TARBP1: variants seen among roughly 807,000 people sequenced by gnomAD.
TARBP1 encodes the protein tRNA guanosine 2 -O-methyltransferase TARBP1.
Under a neutral mutation model 178.6 loss-of-function variants are expected in TARBP1, and 144 were observed. That is an observed-to-expected ratio of 0.81 (90% CI 0.70 to 0.93). The LOEUF (loss-of-function observed/expected upper bound fraction) is 0.93, where lower values mean the gene tolerates loss of function less well. Ranked by LOEUF, TARBP1 falls within the 40% of genes least tolerant of loss-of-function variation. The probability of loss-of-function intolerance (pLI) is 0.00; values close to 1 mark genes in which losing one functional copy is unlikely to be tolerated. For missense variants in TARBP1, 2,067 were observed against 2,011.7 expected (o/e 1.03, Z -0.53); for synonymous variants, 787 against 781.0 (o/e 1.01, Z -0.13).
chr1:234,447,266 C>A (rs1430492893), intron 11 of TARBP1, among the ~76,000 whole-genome samples: 1 of 149,814 alleles, frequency 6.7e-6, no homozygotes, highest in Admixed American at 6.8e-5. Flanking sequence ...ATTAATGACA[C>A]CCTGCTTCCA....
chr1:234,479,052 C>G lies in TARBP1; in HGVS notation c.52G>C (p.Ala18Pro), dbSNP rs574378026. ...ALLSQSRDPR[A>P]LLGALCQGEA... ...CCTTGGCACAGCGCCCCAAGCAGGG[C>G]CCGGGGGTCCCGGCTCTGCGAGAGC... The change falls in exon 1 of 30, where the codon GCC becomes CCC. Residue 18 changes from alanine (A) to proline (P), a missense_variant. Physicochemically the swap from Ala to Pro is conservative, Grantham distance 27 (BLOSUM62 -1). Coordinates refer to ENST00000040877, the MANE Select transcript of TARBP1 (RefSeq NM_005646.4). 3.9e-6 allele frequency: 6 copies of G among 1,539,004 alleles called. No individual in the cohort carries two copies. Among genetic ancestry groups the G allele is most frequent in the Admixed American group, 3.9e-5 (2 of 51,876 alleles).
At chr1:234,457,923 A>C (rs546669787) in intron 8 of TARBP1, among the ~76,000 whole-genome samples, 167 bp from the exon 9 acceptor site, 1 of 152,328 alleles carries the variant, frequency 6.6e-6, no homozygotes, top group Non-Finnish European at 1.5e-5. Flanking sequence ...AGCAAATAAA[A>C]AGAAAATATT....
chr1:234,474,627 T>C (rs1216048252), intron 1 of TARBP1, among the ~76,000 whole-genome samples: 2 of 152,206 alleles, frequency 1.3e-5, no homozygotes, highest in African/African-American at 4.8e-5. Flanking sequence ...TGGTTTCAGA[T>C]TTCTCAACAG....
At chr1:234,462,718 A>T (rs1022670124) in intron 6 of TARBP1, among the ~76,000 whole-genome samples, 1 of 151,116 alleles carries the variant, frequency 6.6e-6, no homozygotes, top group Non-Finnish European at 1.5e-5. Context: ...AATGACTCTA[A>T]CAGTTATCTT....
chr1:234,401,309 C>T, intron 24 of TARBP1, 47 bp from the exon 25 acceptor site: 1 of 1,421,874 alleles, frequency 7.0e-7, no homozygotes, highest in Non-Finnish European at 9.9e-7. Flanking sequence ...TGAAACAACT[C>T]TGGTGAGGGG....
chr1:234,431,902 C>T (rs1664466223), intron 14 of TARBP1, among the ~76,000 whole-genome samples: 1 of 151,896 alleles, frequency 6.6e-6, no homozygotes, highest in African/African-American at 2.4e-5. Context: ...CTTTGGGAGG[C>T]CGAGGTGGGT....
intron 1 of TARBP1, among the ~76,000 whole-genome samples, chr1:234,477,310 T>C (rs1400477084): frequency 1.3e-5 from 2 of 152,382 alleles, no homozygotes; most frequent in Middle Eastern, 3.4e-3. Context: ...CACCTATCTG[T>C]GGACTGTTCA....
chr1:234,435,134 T>C (rs1664870370), intron 13 of TARBP1, among the ~76,000 whole-genome samples: 1 of 152,106 alleles, frequency 6.6e-6, no homozygotes, highest in Non-Finnish European at 1.5e-5. Context: ...GAACATGAAA[T>C]TGAGAGACGG....
rs1553283660 is a variant in TARBP1, at chr1:234,425,787, C to T, written c.3330G>A (p.Lys1110=). The T allele has an allele frequency of 1.0e-5, 16 of 1,560,096 alleles. No homozygotes were observed. The South Asian group carries it at 1.9e-4, about 18-fold the overall frequency. Residue 1110 remains lysine (K), a synonymous_variant, in exon 20 of 30, where the codon AAG becomes AAA. Coordinates refer to ENST00000040877, the MANE Select transcript of TARBP1 (RefSeq NM_005646.4). ...AAATTCTCACATAATGGTCTTCTCT[C>T]TTAGTACTAAAAAAATTAAATGATA... ...CAANIVMENT[K]REDHYVRICA... is the part of the protein sequence containing the mutation.
intron 23 of TARBP1, among the ~76,000 whole-genome samples, chr1:234,408,305 C>T (rs1342551720): frequency 6.6e-6 from 1 of 152,068 alleles, no homozygotes; most frequent in Non-Finnish European, 1.5e-5. Context: ...CTAACCAACT[C>T]CATCTTGCTT....
intron 1 of TARBP1, among the ~76,000 whole-genome samples, chr1:234,473,639 A>G (rs1183123796): frequency 6.6e-6 from 1 of 152,258 alleles, no homozygotes; most frequent in East Asian, 1.9e-4. Context: ...ATCTGAAAAT[A>G]TATCAGAGAT....
At chr1:234,475,175 G>A (rs546650299) in intron 1 of TARBP1, among the ~76,000 whole-genome samples, 5 of 152,164 alleles carry the variant, frequency 3.3e-5, no homozygotes, top group South Asian at 2.1e-4. Context: ...CTTCAGAGGC[G>A]CAGGCACCCA....
chr1:234,461,394 A>G (rs270509), intron 6 of TARBP1, among the ~76,000 whole-genome samples: 130,644 of 152,210 alleles, frequency 0.86, 56,432 homozygotes, highest in East Asian at 0.97. Context: ...TACAACCTCC[A>G]CCTCCTGGGT....
rs190786645 is a variant in TARBP1 at position 234,450,429 on chromosome 1, T to C, written c.1860A>G (p.Glu620=). The C allele has an allele frequency of 1.0e-5, 16 of 1,571,662 alleles. No individual in the cohort carries two copies. In the Admixed American group the frequency reaches 2.2e-4, roughly 22 times the overall value. Residue 620 remains glutamate, a splice_region_variant and synonymous_variant, in exon 10 of 30, where the codon GAA becomes GAG. Transcript: ENST00000040877. ...CCATAAAAATGATTGCAGACTTACT[T>C]TCCCAAGCAGATGACTTAACATACT... ...VQEYVKSSAW[E]TGENCFMPDW...
In TARBP1 at chr1:234,478,279, C is replaced by A; in HGVS notation, c.825G>T (p.Gln275His). 1 of 1,582,556 alleles carries A rather than the reference C, an allele frequency of 6.3e-7. No individual in the cohort carries two copies. Among genetic ancestry groups the A allele is most frequent in the Non-Finnish European group, 8.6e-7 (1 of 1,165,718 alleles). ...CTCGCTTGCGCGTCAGGGCGTCCGC[C>A]TGGCCCAGCCCCGCCTGCACCGTCC... ...FWRTVQAGLG[Q>H]ADALTRKRAR... is the part of the protein sequence containing the mutation. The change falls in exon 1 of 30, where the codon CAG (glutamine) becomes CAT (histidine). Residue 275 changes from glutamine to histidine, a missense_variant. Coordinates refer to ENST00000040877, the MANE Select transcript of TARBP1 (RefSeq NM_005646.4).
At chr1:234,442,338 A>G (rs1239938247) in intron 12 of TARBP1, among the ~76,000 whole-genome samples, 3 of 152,262 alleles carry the variant, frequency 2.0e-5, no homozygotes, top group Non-Finnish European at 4.4e-5. Flanking sequence ...CAAACCACAT[A>G]TCTGACAAAG....
intron 14 of TARBP1, among the ~76,000 whole-genome samples, chr1:234,432,310 C>T (rs1664527912): frequency 6.6e-6 from 1 of 152,050 alleles, no homozygotes; most frequent in African/African-American, 2.4e-5. Context: ...GGCATGGTGG[C>T]ACACGCCTGT....
In TARBP1 at chr1:234,467,458, G is replaced by A. The variant is rs202105486; in HGVS notation, c.1248+44C>T. On this transcript the variant is annotated intron_variant, in intron 4 of 29. Coordinates refer to ENST00000040877, the MANE Select transcript of TARBP1 (RefSeq NM_005646.4). ...GAATCCTAGTGTATTTTTACCTCTC[G>A]CCTTTCAACAATGGGAGCAAGGAAG... 330 of 1,464,372 alleles carry A rather than the reference G, an allele frequency of 2.3e-4. 1 individual carries two copies. In the Middle Eastern group the frequency reaches 9.3e-3, roughly 41 times the overall value. The allele number at this position is 1,464,372 out of a possible 1,614,324, so 90.7% of individuals were successfully genotyped here. A position where few individuals can be genotyped will look rare whatever the true frequency, so the allele number is the denominator to read the frequency against.
chr1:234,453,875 T>C (rs752656924), intron 9 of TARBP1, among the ~76,000 whole-genome samples: 5 of 152,180 alleles, frequency 3.3e-5, no homozygotes, highest in Non-Finnish European at 5.9e-5. Flanking sequence ...GTGCCTGGCC[T>C]GTGGGAGATG....
Sources: allele counts gnomAD v4.1 joint callset (sites outside exome capture counted in the v4.1 genomes callset), GRCh38; gene constraint gnomAD v4.1.1; transcripts MANE v1.5; gene names NCBI Gene and HGNC (gene_info 2026-07-23, HGNC 2026-07-21).